CPNE4: variants seen among roughly 807,000 people sequenced by gnomAD.
The protein encoded by CPNE4 is copine 4, also known as copine-4.
In CPNE4, 25 loss-of-function variants were observed where a neutral mutation model predicts 67.9. That is an observed-to-expected ratio of 0.37 (90% confidence interval 0.27 to 0.51). The LOEUF (loss-of-function observed/expected upper bound fraction) is 0.51. Among genes scored for constraint, CPNE4 ranks in the 20% least tolerant of loss-of-function variants. The pLI, the probability that CPNE4 is intolerant of heterozygous loss-of-function variation, is 0.93. For missense variants in CPNE4, 464 were observed against 690.8 expected (o/e 0.67, Z 3.68); for synonymous variants, 242 against 244.9 (o/e 0.99, Z 0.11).
intron 2 of CPNE4, among the ~76,000 whole-genome samples, chr3:131,774,886 C>T (rs9866365): frequency 0.21 from 31,370 of 152,086 alleles, 3,963 homozygotes; most frequent in Middle Eastern, 0.27. Context: ...TTTTTTCAAG[C>T]CAACTGTTAA....
chr3:131,620,007 AC>A (rs1299470285), intron 7 of CPNE4, among the ~76,000 whole-genome samples: 2 of 152,006 alleles, frequency 1.3e-5, no homozygotes, highest in Non-Finnish European at 2.9e-5. Context: ...GTAAGCGTAA[AC>A]CCCTGCCTAG....
At chr3:131,816,181 T>C (rs1229822190) in intron 2 of CPNE4, among the ~76,000 whole-genome samples, 1 of 152,198 alleles carries the variant, frequency 6.6e-6, no homozygotes, top group African/African-American at 2.4e-5. Flanking sequence ...TGTGCTTCTA[T>C]GAGCATTTTA....
intron 7 of CPNE4, among the ~76,000 whole-genome samples, chr3:131,607,710 G>A (rs1451206453): frequency 6.6e-6 from 1 of 152,112 alleles, no homozygotes; most frequent in African/African-American, 2.4e-5. Context: ...ACTATGGGAG[G>A]TTAATAGGTA....
Position 131,723,538 on chromosome 3 carries a change from G to C in CPNE4, c.268C>G (p.Arg90Gly), listed in dbSNP as rs768298078. 6.2e-7 allele frequency: 1 copy of C among 1,614,026 alleles called. No individual in the cohort carries two copies. Among genetic ancestry groups the C allele is most frequent in the Non-Finnish European group, 8.5e-7 (1 of 1,179,982 alleles). ...TVDFYFEEVQ[R>G]LRFEVHDISS... ...ATGTCATGGACTTCAAACCGCAGGC[G>C]CTGCACCTCCTCAAAGTAAAAGTCC... The change falls in exon 3 of 16, where the codon CGC becomes GGC. Residue 90 changes from arginine to glycine, a missense_variant. Physicochemically the swap from Arg to Gly is moderately radical, Grantham distance 125. This residue lies in a region of CPNE4 where 170 missense variants were observed against 203.3 expected (regional missense o/e 0.84). Coordinates refer to ENST00000429747, the MANE Select transcript of CPNE4 (RefSeq NM_130808.3).
chr3:131,774,988 A>G (rs80173534), intron 2 of CPNE4, among the ~76,000 whole-genome samples: 2,913 of 152,286 alleles, frequency 0.019, 57 homozygotes, highest in South Asian at 0.078. Context: ...TAAAGCAAAC[A>G]GGGAGGGAAA....
intron 1 of CPNE4, among the ~76,000 whole-genome samples, chr3:131,986,114 G>T (rs1377806863): frequency 6.6e-6 from 1 of 152,142 alleles, no homozygotes; most frequent in Non-Finnish European, 1.5e-5. Flanking sequence ...CGCTTGAGAA[G>T]ACTACTGAAA....
At chr3:131,674,847 A>G (rs2080518827) in intron 6 of CPNE4, among the ~76,000 whole-genome samples, 1 of 151,288 alleles carries the variant, frequency 6.6e-6, no homozygotes, top group Non-Finnish European at 1.5e-5. Flanking sequence ...AGTTTCTTCT[A>G]CTAATTTTGG....
intron 2 of CPNE4, among the ~76,000 whole-genome samples, chr3:131,763,312 T>C (rs1459233045): frequency 2.6e-5 from 4 of 152,172 alleles, no homozygotes; most frequent in African/African-American, 9.7e-5. Flanking sequence ...TGATCTGCAG[T>C]GTACCCTTCA....
intron 2 of CPNE4, among the ~76,000 whole-genome samples, chr3:131,857,204 G>C (rs900717553): frequency 6.6e-6 from 1 of 151,968 alleles, no homozygotes; most frequent in Admixed American, 6.6e-5. Flanking sequence ...CAAGATTCTA[G>C]TGTTTTAAAA....
At chr3:131,756,774 T>A (rs991398889) in intron 2 of CPNE4, among the ~76,000 whole-genome samples, 3 of 152,156 alleles carry the variant, frequency 2.0e-5, no homozygotes, top group Non-Finnish European at 4.4e-5. Context: ...CTCGCCCAAA[T>A]CTCAACTTGG....
intron 2 of CPNE4, among the ~76,000 whole-genome samples, chr3:131,739,956 G>A (rs2082320462): frequency 6.6e-6 from 1 of 152,168 alleles, no homozygotes; most frequent in African/African-American, 2.4e-5. Flanking sequence ...ATGTCAAAGC[G>A]ACTTGCCCTA....
chr3:131,805,742 G>T (rs1481067073), intron 2 of CPNE4, among the ~76,000 whole-genome samples: 1 of 152,192 alleles, frequency 6.6e-6, no homozygotes, highest in Non-Finnish European at 1.5e-5. Flanking sequence ...AGTGTTCTAA[G>T]ACAGATCTAG....
chr3:132,037,771 TCACCCATCAGTGTGA>T, upstream of CPNE4: 2 of 590,560 alleles, frequency 3.4e-6, no homozygotes, highest in Non-Finnish European at 3.0e-6. Context: ...GAAAGGCATC[TCACCCATCAGTGTGA>T]CAAGTGAAAT....
At position 131,718,265 on chromosome 3, in the gene CPNE4, G is replaced by A. The variant is rs115591773; in HGVS notation, c.360+5181C>T. 3.1e-3 allele frequency among the ~76,000 whole-genome samples: 467 copies of A among 152,120 alleles called. 2 individuals are homozygous for A. Among genetic ancestry groups the A allele is most frequent in the African/African-American group, 0.011 (436 of 41,500 alleles). On this transcript the variant is annotated intron_variant, in intron 3 of 15. Transcript: ENST00000429747. ...GCCTCAGCGTGCTTGGATTACAGGC[G>A]TGAGCCACTGCACCCGGCCAAAGTG...
At chr3:131,899,943 C>T (rs1057263073) in intron 2 of CPNE4, among the ~76,000 whole-genome samples, 1 of 152,182 alleles carries the variant, frequency 6.6e-6, no homozygotes, top group East Asian at 1.9e-4. Context: ...CAAGAAAATT[C>T]CACAGCCCAC....
intron 5 of CPNE4, among the ~76,000 whole-genome samples, chr3:131,692,856 A>G (rs77148504): frequency 0.018 from 2,722 of 152,314 alleles, 95 homozygotes; most frequent in African/African-American, 0.062. Context: ...ACCAATATGA[A>G]TACTTTCTCA....
chr3:131,862,912 T>A (rs1160437723), intron 2 of CPNE4, among the ~76,000 whole-genome samples: 2 of 146,808 alleles, frequency 1.4e-5, no homozygotes, highest in African/African-American at 5.0e-5. Context: ...CCTGTGTCCA[T>A]GTGTTCTCAT....
intron 2 of CPNE4, among the ~76,000 whole-genome samples, chr3:131,775,998 G>A (rs964813097): frequency 6.6e-6 from 1 of 152,142 alleles, no homozygotes; most frequent in African/African-American, 2.4e-5. Flanking sequence ...GGATAATTGT[G>A]AAGCAGCAGA....
At chr3:131,888,216 A>C (rs2087970306) in intron 2 of CPNE4, among the ~76,000 whole-genome samples, 1 of 152,240 alleles carries the variant, frequency 6.6e-6, no homozygotes, top group Non-Finnish European at 1.5e-5. Context: ...ATTGGAAGAA[A>C]CTAGATTAAG....
Sources: allele counts gnomAD v4.1 joint callset (sites outside exome capture counted in the v4.1 genomes callset), GRCh38; gene constraint gnomAD v4.1.1; regional missense constraint gnomAD v4.1.1; transcripts MANE v1.5; gene names NCBI Gene and HGNC (gene_info 2026-07-23, HGNC 2026-07-21).